The following GALNT13 variants were observed in gnomAD, a reference collection of about 807,000 sequenced individuals.
The protein encoded by GALNT13 is UDP-GalNAc:polypeptide N-acetylgalactosaminyltransferase 13.
In GALNT13, 28 loss-of-function variants were observed where a neutral mutation model predicts 64.2. The ratio of observed to expected loss-of-function variants is 0.44; its 90% confidence interval spans 0.32 to 0.60. The LOEUF is 0.60. GALNT13 is among the 20% of genes least tolerant of loss of function. The probability of loss-of-function intolerance (pLI) is 0.05; values close to 1 mark genes in which losing one functional copy is unlikely to be tolerated. For synonymous variants in GALNT13, 214 were observed against 224.6 expected, an observed-to-expected ratio of 0.95 and a Z score of 0.42; for missense variants, 577 against 669.8, an observed-to-expected ratio of 0.86 and a Z score of 1.53.
At chr2:153,819,759 A>G in the GALNT13 span, among the ~76,000 whole-genome samples, 2 of 152,242 alleles carry the variant, frequency 1.3e-5, no homozygotes, top group African/African-American at 2.4e-5. Flanking sequence ...ATAGAAGTGC[A>G]TAGGGCTTTA....
chr2:153,741,294 A>G, the GALNT13 span, among the ~76,000 whole-genome samples: 2 of 151,920 alleles, frequency 1.3e-5, no homozygotes, highest in East Asian at 1.9e-4. Context: ...CTTCAGTCAT[A>G]TCAACTATCC....
chr2:153,531,770 A>G, the GALNT13 span, among the ~76,000 whole-genome samples: 1,225 of 152,288 alleles, frequency 8.0e-3, 11 homozygotes, highest in African/African-American at 0.028. Context: ...AAATACTTGC[A>G]TTTCAAAAGG....
chr2:154,393,427 C>G (rs1698890123), intron 9 of GALNT13, among the ~76,000 whole-genome samples: 1 of 152,150 alleles, frequency 6.6e-6, no homozygotes, highest in African/African-American at 2.4e-5. Context: ...AGTTAGATGT[C>G]CTTACCTAAC....
chr2:154,084,614 C>T (rs897554633), intron 3 of GALNT13, among the ~76,000 whole-genome samples: 1 of 151,890 alleles, frequency 6.6e-6, no homozygotes, highest in African/African-American at 2.4e-5. Context: ...TAAAACAAAT[C>T]TATCTTTCAT....
intron 2 of GALNT13, among the ~76,000 whole-genome samples, chr2:153,937,860 A>G (rs993260854): frequency 6.6e-6 from 1 of 152,218 alleles, no homozygotes; most frequent in Non-Finnish European, 1.5e-5. Flanking sequence ...AGAATTGATC[A>G]TTGGATTTGA....
chr2:153,540,255 C>T, the GALNT13 span, among the ~76,000 whole-genome samples: 1 of 152,322 alleles, frequency 6.6e-6, no homozygotes, highest in Non-Finnish European at 1.5e-5. Flanking sequence ...TCAGAGGGTA[C>T]AAGTCCCAAG....
the GALNT13 span, among the ~76,000 whole-genome samples, chr2:153,678,246 C>G: frequency 6.6e-6 from 1 of 151,586 alleles, no homozygotes; most frequent in Non-Finnish European, 1.5e-5. Flanking sequence ...CATTGCAGCA[C>G]TATTCACAAT....
chr2:153,878,976 T>G (rs1338168723), intron 1 of GALNT13, among the ~76,000 whole-genome samples: 1 of 152,194 alleles, frequency 6.6e-6, no homozygotes, highest in African/African-American at 2.4e-5. Context: ...ATTTATTCAT[T>G]GTAGTTACAG....
rs543725754 is a variant in GALNT13 at position 154,006,646 on chromosome 2, C to T, written c.142+62007C>T. Among the ~76,000 whole-genome samples the T allele has an allele frequency of 3.9e-5, 6 of 152,170 alleles. No individual in the cohort carries two copies. The East Asian group carries it at 7.7e-4, about 20-fold the overall frequency. On this transcript the variant is annotated intron_variant, in intron 3 of 12. Transcript: ENST00000392825. ...TTTTAAATAAAAATAAATTTTACAA[C>T]ACAATGACCATGGTAGGGAGCACAG...
the GALNT13 span, among the ~76,000 whole-genome samples, chr2:153,728,986 G>A: frequency 6.6e-6 from 1 of 152,098 alleles, no homozygotes; most frequent in Non-Finnish European, 1.5e-5. Flanking sequence ...TGAAATTGAG[G>A]CAGTAATTAA....
At chr2:153,664,382 T>C in the GALNT13 span, among the ~76,000 whole-genome samples, 2 of 152,180 alleles carry the variant, frequency 1.3e-5, no homozygotes, top group Non-Finnish European at 2.9e-5. Flanking sequence ...CCGCAGGCAG[T>C]CAGACCTTAT....
chr2:154,282,300 A>G (rs928614333), intron 8 of GALNT13, among the ~76,000 whole-genome samples: 2 of 152,172 alleles, frequency 1.3e-5, no homozygotes, highest in African/African-American at 4.8e-5. Flanking sequence ...TTGCCTCATA[A>G]TAAGTTTTAT....
At chr2:154,315,341 A>G (rs1694262815) in intron 9 of GALNT13, among the ~76,000 whole-genome samples, 1 of 152,198 alleles carries the variant, frequency 6.6e-6, no homozygotes, top group Admixed American at 6.5e-5. Context: ...TAAATCTTCA[A>G]TAGGGAAGAA....
At chr2:153,603,303 G>T in the GALNT13 span, among the ~76,000 whole-genome samples, 1 of 151,818 alleles carries the variant, frequency 6.6e-6, no homozygotes, top group African/African-American at 2.4e-5. Flanking sequence ...GGGAATAGCA[G>T]CGACTCATGT....
At chr2:154,065,321 G>A (rs1355565289) in intron 3 of GALNT13, among the ~76,000 whole-genome samples, 1 of 152,166 alleles carries the variant, frequency 6.6e-6, no homozygotes. Context: ...TGGAGGGAAG[G>A]ACACAAGCCT....
chr2:153,315,716 C>A, the GALNT13 span, among the ~76,000 whole-genome samples: 3 of 152,124 alleles, frequency 2.0e-5, no homozygotes, highest in Non-Finnish European at 4.4e-5. Flanking sequence ...GAACACTAAA[C>A]CTCAACACAG....
the GALNT13 span, among the ~76,000 whole-genome samples, chr2:153,366,390 G>A: frequency 1.8e-4 from 28 of 151,782 alleles, 1 homozygote; most frequent in South Asian, 3.5e-3. Flanking sequence ...CATCTATCCC[G>A]GAACTTAAAG....
At chr2:153,310,837 T>G in the GALNT13 span, among the ~76,000 whole-genome samples, 1 of 152,154 alleles carries the variant, frequency 6.6e-6, no homozygotes, top group African/African-American at 2.4e-5. Context: ...AATTTTGTGT[T>G]ATAAAAAATC....
chr2:153,189,354 TA>T, the GALNT13 span, among the ~76,000 whole-genome samples: 1 of 152,210 alleles, frequency 6.6e-6, no homozygotes, highest in Non-Finnish European at 1.5e-5. Context: ...TTATTTCACT[TA>T]ACATGATGAC....
Sources: gnomAD v4.1 joint callset for allele counts (sites outside exome capture counted in the v4.1 genomes callset) on GRCh38, gnomAD v4.1.1 for gene constraint, MANE v1.5 for transcripts, NCBI Gene and HGNC (gene_info 2026-07-23, HGNC 2026-07-21) for gene names.